Variants in RARRES1 observed in about 807,000 individuals in gnomAD.
RARRES1 encodes the protein retinoic acid receptor responder 1, also known as retinoic acid receptor responder protein 1.
A neutral mutation model predicts 30.6 loss-of-function variants in RARRES1; 34 were observed. The ratio of observed to expected loss-of-function variants is 1.11; its 90% CI spans 0.84 to 1.48. The LOEUF (loss-of-function observed/expected upper bound fraction) is 1.48, where lower values mean the gene tolerates loss of function less well. RARRES1 is among the 40% of genes most tolerant of loss of function. The probability of loss-of-function intolerance (pLI) is 0.00; values close to 1 mark genes in which losing one functional copy is unlikely to be tolerated. For synonymous variants in RARRES1, 153 were observed against 155.5 expected (o/e 0.98, Z 0.12); for missense variants, 373 against 386.5 (o/e 0.97, Z 0.29).
At position 158,697,241 on chromosome 3, in the gene RARRES1, G is replaced by T. The variant is rs1469860920; in HGVS notation, c.*437C>A. ...TTCCTATAATTTACTTTCATCGAAA[G>T]TATATTATCTTTGTTTAACATGCTA... On this transcript the variant is annotated 3_prime_UTR_variant, in exon 6 of 6. Transcript: ENST00000237696. The T allele has an allele frequency of 6.6e-6, 1 of 152,566 alleles. No homozygotes were observed. The highest frequency in any genetic ancestry group is 1.5e-5 in the Non-Finnish European group (1 of 68,470). The allele number at this position is 152,566 out of a possible 1,614,324, so 9.5% of individuals were successfully genotyped here.
chr3:158,697,946 A>G lies in RARRES1; in HGVS notation c.697T>C (p.Phe233Leu). The change falls in exon 5 of 6, where the codon TTT becomes CTT. Residue 233 changes from phenylalanine to leucine, a missense_variant. By Grantham distance (22) the Phe-to-Leu change is conservative (BLOSUM62 0). Coordinates refer to ENST00000237696, the MANE Select transcript of RARRES1 (RefSeq NM_206963.2). Reference sequence around the variant, plus strand: ...TCATGAAGTAGAACAGTATAATCAAAATCAATTGTATCATCATTAGTTTTC... The same window carrying G: ...TCATGAAGTAGAACAGTATAATCAAGATCAATTGTATCATCATTAGTTTTC... ...QWKTNDDTIDFDYTVLLHELS... is the reference protein window; with the variant it reads ...QWKTNDDTIDLDYTVLLHELS... 1 of 1,535,666 alleles carries G rather than the reference A, an allele frequency of 6.5e-7. No individual in the cohort carries two copies. Among genetic ancestry groups the G allele is most frequent in the Non-Finnish European group, 9.0e-7 (1 of 1,111,456 alleles).
chr3:158,718,570 G>A (rs1727399442), intron 1 of RARRES1, among the ~76,000 whole-genome samples: 2 of 152,206 alleles, frequency 1.3e-5, no homozygotes, highest in Admixed American at 6.5e-5. Context: ...CTGCAGTCTG[G>A]CATATGCAAT....
intron 1 of RARRES1, among the ~76,000 whole-genome samples, chr3:158,714,613 C>T (rs988100702): frequency 6.6e-6 from 1 of 152,204 alleles, no homozygotes; most frequent in Admixed American, 6.5e-5. Context: ...AATGTTTAGC[C>T]TTTAAAACTG....
chr3:158,731,962 C>T (rs1021216890), intron 1 of RARRES1, among the ~76,000 whole-genome samples, 178 bp downstream of exon 1: 1 of 152,226 alleles, frequency 6.6e-6, no homozygotes, highest in Admixed American at 6.5e-5. Flanking sequence ...GCCCCTTCCA[C>T]GCCCTGGGAT....
At chr3:158,710,525 G>T (rs77139727) in intron 3 of RARRES1, among the ~76,000 whole-genome samples, 1 of 152,086 alleles carries the variant, frequency 6.6e-6, no homozygotes, top group African/African-American at 2.4e-5. Context: ...GAGATGAAAG[G>T]GATACATGCT....
chr3:158,705,025 A>G (rs1726870925), intron 3 of RARRES1, 98 bp from the exon 4 acceptor site: 1 of 1,450,254 alleles, frequency 6.9e-7, no homozygotes, highest in East Asian at 2.3e-5. Context: ...TAGTCATACC[A>G]GTCATCTCTC....
At chr3:158,715,934 C>T (rs1055253389) in intron 1 of RARRES1, among the ~76,000 whole-genome samples, 13 of 152,190 alleles carry the variant, frequency 8.5e-5, no homozygotes, top group African/African-American at 3.1e-4. Context: ...GCCACATGGG[C>T]ACCCGCAAAC....
At chr3:158,713,887 T>G in intron 1 of RARRES1, 28 bp from the exon 2 acceptor site, 1 of 1,584,104 alleles carries the variant, frequency 6.3e-7, no homozygotes, top group Non-Finnish European at 8.7e-7. Context: ...AATCTTAGTA[T>G]AGTAGAAGCT....
rs1400813349 is a variant in RARRES1, at chr3:158,730,440, T to C, written c.276+1700A>G. On this transcript the variant is annotated intron_variant, in intron 1 of 5. Coordinates refer to ENST00000237696, the MANE Select transcript of RARRES1 (RefSeq NM_206963.2). ...CCTCTCTCTCTTTCTCTCTCTTTTT[T>C]TTCCCCATAGGGTCTCACTCTGTTG... Among the ~76,000 whole-genome samples, 3 of 137,486 alleles carry C rather than the reference T, an allele frequency of 2.2e-5. No homozygotes were observed. In the Middle Eastern group the frequency reaches 0.011, roughly 509 times the overall value. The allele number at this position is 137,486 out of a possible 152,430, so 90.2% of individuals were successfully genotyped here.
At chr3:158,708,479 G>A (rs967507062) in intron 3 of RARRES1, among the ~76,000 whole-genome samples, 13 of 152,086 alleles carry the variant, frequency 8.5e-5, no homozygotes, top group African/African-American at 2.4e-4. Flanking sequence ...TAGTGTACTT[G>A]GATTCATTGC....
chr3:158,699,702 A>G (rs1459126758), intron 4 of RARRES1, among the ~76,000 whole-genome samples: 1 of 152,112 alleles, frequency 6.6e-6, no homozygotes, highest in Non-Finnish European at 1.5e-5. Context: ...TCTTGGCAAT[A>G]GTCAGTAGGT....
intron 1 of RARRES1, among the ~76,000 whole-genome samples, chr3:158,717,692 G>A (rs1727367228): frequency 6.6e-6 from 1 of 152,168 alleles, no homozygotes; most frequent in African/African-American, 2.4e-5. Flanking sequence ...AATGATGCTG[G>A]AGTGAGGAGT....
intron 1 of RARRES1, among the ~76,000 whole-genome samples, chr3:158,722,598 C>A (rs1255667416): frequency 6.6e-6 from 1 of 151,968 alleles, no homozygotes. Flanking sequence ...ATCAAACAAT[C>A]CTGGCCGGGC....
intron 1 of RARRES1, among the ~76,000 whole-genome samples, chr3:158,717,305 G>C (rs952867996): frequency 1.3e-5 from 2 of 152,260 alleles, no homozygotes; most frequent in African/African-American, 4.8e-5. Flanking sequence ...GCCACTCTCC[G>C]GGCAGTCTAG....
chr3:158,706,900 G>A (rs932618505), intron 3 of RARRES1, among the ~76,000 whole-genome samples: 1 of 152,208 alleles, frequency 6.6e-6, no homozygotes, highest in Admixed American at 6.5e-5. Context: ...CGGGCATGGT[G>A]GCTCACGCCT....
At chr3:158,730,752 A>G (rs1414034653) in intron 1 of RARRES1, among the ~76,000 whole-genome samples, 1 of 151,712 alleles carries the variant, frequency 6.6e-6, no homozygotes. Context: ...ATGCCCCAGC[A>G]GGTTGCCTTT....
At chr3:158,718,766 G>C (rs1280621492) in intron 1 of RARRES1, among the ~76,000 whole-genome samples, 2 of 152,168 alleles carry the variant, frequency 1.3e-5, no homozygotes, top group African/African-American at 4.8e-5. Flanking sequence ...AAAGACCTCT[G>C]GTCTTGCCCA....
At chr3:158,718,866 A>G (rs1049845341) in intron 1 of RARRES1, among the ~76,000 whole-genome samples, 1 of 152,234 alleles carries the variant, frequency 6.6e-6, no homozygotes, top group African/African-American at 2.4e-5. Context: ...GAAAAAAGTA[A>G]GTAGACTTTT....
intron 4 of RARRES1, among the ~76,000 whole-genome samples, chr3:158,704,492 A>G (rs939387929): frequency 6.6e-6 from 1 of 151,842 alleles, no homozygotes; most frequent in Non-Finnish European, 1.5e-5. Context: ...TTGGCTACTT[A>G]ATTTTTTTCA....
Sources: gnomAD v4.1 joint callset for allele counts (sites outside exome capture counted in the v4.1 genomes callset) on GRCh38, gnomAD v4.1.1 for gene constraint, MANE v1.5 for transcripts, NCBI Gene and HGNC (gene_info 2026-07-23, HGNC 2026-07-21) for gene names.